The following BIVM variants were observed in gnomAD, a reference collection of about 807,000 sequenced individuals.
The protein encoded by BIVM is basic immunoglobulin-like variable motif-containing protein.
In BIVM, 31 loss-of-function variants were observed where a neutral mutation model predicts 61.4. The observed-to-expected ratio is 0.51, with a 90% CI of 0.38 to 0.68. BIVM has a LOEUF of 0.68. Among genes scored for constraint, BIVM ranks in the 30% least tolerant of loss-of-function variants. The pLI, the probability that BIVM is intolerant of heterozygous loss-of-function variation, is 0.00. For missense variants in BIVM, 526 were observed against 596.0 expected, an observed-to-expected ratio of 0.88 and a Z score of 1.22; for synonymous variants, 189 against 210.7, an observed-to-expected ratio of 0.90 and a Z score of 0.89.
intron 3 of BIVM, among the ~76,000 whole-genome samples, chr13:102,815,768 CATGT>C (rs1879826742): frequency 6.6e-6 from 1 of 152,158 alleles, no homozygotes; most frequent in South Asian, 2.1e-4. Flanking sequence ...TATGTGTGTG[CATGT>C]ATGAGTGTGT....
intron 7 of BIVM, among the ~76,000 whole-genome samples, chr13:102,823,647 CAGGCAACGAAAAACTA>C (rs1399297310): frequency 6.6e-6 from 1 of 152,158 alleles, no homozygotes; most frequent in African/African-American, 2.4e-5. Flanking sequence ...AGTAAGTGAT[CAGGCAACGAAAAACTA>C]AGAAAGGATA....
At chr13:102,817,017 A>G (rs1457628578) in intron 4 of BIVM, 1 of 152,224 alleles carries the variant, frequency 6.6e-6, no homozygotes, top group African/African-American at 2.4e-5. Context: ...CCCAGGCTAA[A>G]TTCACGTTTC....
intron 7 of BIVM, among the ~76,000 whole-genome samples, chr13:102,824,037 G>A (rs1880481178): frequency 6.6e-6 from 1 of 152,186 alleles, no homozygotes; most frequent in South Asian, 2.1e-4. Context: ...TCCACAGGAT[G>A]TGCCAAACCT....
chr13:102,830,342 T>G lies in BIVM; in HGVS notation c.902-1223T>G, dbSNP rs1880979620. Among the ~76,000 whole-genome samples the G allele has an allele frequency of 1.3e-5, 2 of 152,230 alleles. 1 individual carries two copies. The highest frequency in any genetic ancestry group is 4.1e-4 in the South Asian group (2 of 4,836). On this transcript the variant is annotated intron_variant, in intron 7 of 10. Transcript: ENST00000257336. ...TGGCCAGAAAGTCGATCACTGAAAC[T>G]ATGACTTGCAAGCTTTCATCTGCTT...
At chr13:102,811,824 T>C (rs1302421446) in intron 3 of BIVM, among the ~76,000 whole-genome samples, 1 of 152,226 alleles carries the variant, frequency 6.6e-6, no homozygotes, top group Non-Finnish European at 1.5e-5. Flanking sequence ...TGCCCAGCCT[T>C]GCAATTTTAT....
intron 7 of BIVM, among the ~76,000 whole-genome samples, chr13:102,831,345 GT>G (rs1377751428): frequency 4.6e-5 from 7 of 152,176 alleles, no homozygotes; most frequent in African/African-American, 1.7e-4. Flanking sequence ...TAGTTCTTTA[GT>G]TTGCTAATGA....
chr13:102,807,617 C>G lies in BIVM; in HGVS notation c.350C>G (p.Ser117Trp). ...TACATTGGTATCCCGACTAGTACATCGGAAATTATCTACAATGAAGAAAAT... is the reference window on the plus strand; with the variant it reads ...TACATTGGTATCCCGACTAGTACATGGGAAATTATCTACAATGAAGAAAAT... ...SRYIGIPTST[S>W]EIIYNEENSL... Residue 117 changes from serine to tryptophan, a missense_variant, in exon 3 of 11, where the codon TCG becomes TGG. This residue lies in a region of BIVM where 312 missense variants were observed against 343.8 expected (regional missense o/e 0.91). Coordinates refer to ENST00000257336, the MANE Select transcript of BIVM (RefSeq NM_017693.4). The surrounding 1 kb of genome is among the most constrained non-coding windows in gnomAD (Gnocchi z 4.0). 6.2e-7 allele frequency: 1 copy of G among 1,614,106 alleles called. No individual in the cohort carries two copies. The highest frequency in any genetic ancestry group is 1.7e-5 in the Admixed American group (1 of 60,006).
At chr13:102,809,905 C>A (rs1392125111) in intron 3 of BIVM, among the ~76,000 whole-genome samples, 2 of 151,968 alleles carry the variant, frequency 1.3e-5, no homozygotes, top group Non-Finnish European at 2.9e-5. Flanking sequence ...CCTGCCTCAG[C>A]CTCCCGAGTA....
At position 102,821,019 on chromosome 13, in the gene BIVM, A is replaced by C. The variant is rs749250254; in HGVS notation, c.606-18A>C. On this transcript the variant is annotated intron_variant, in intron 4 of 10. Coordinates refer to ENST00000257336, the MANE Select transcript of BIVM (RefSeq NM_017693.4). ...TTGTGTTCATTCAAGTGAAGAAAAC[A>C]GTCTTTTGTGTTCTCAGGTACTGCA... The C allele has an allele frequency of 5.6e-6, 9 of 1,602,756 alleles. No individual in the cohort carries two copies. The highest frequency in any genetic ancestry group is 2.6e-6 in the Non-Finnish European group (3 of 1,176,122).
intron 3 of BIVM, among the ~76,000 whole-genome samples, chr13:102,810,421 C>T (rs1879420170): frequency 6.6e-6 from 1 of 152,184 alleles, no homozygotes. Context: ...TATACAAAAA[C>T]ATATTTTTAA....
chr13:102,802,951 T>C (rs2139133214), intron 1 of BIVM, among the ~76,000 whole-genome samples: 1 of 152,132 alleles, frequency 6.6e-6, no homozygotes, highest in South Asian at 2.1e-4. Context: ...CTGTGTTCTA[T>C]CTTTAGCGTC....
intron 5 of BIVM, 72 bp downstream of exon 5, chr13:102,821,204 A>G: frequency 7.6e-7 from 1 of 1,319,642 alleles, no homozygotes. Context: ...TAACAGAAAA[A>G]AATTTAAGAA....
Position 102,821,040 on chromosome 13 carries a change from C to T in BIVM, c.609C>T (p.Tyr203=), listed in dbSNP as rs2063461855. The T allele has an allele frequency of 1.9e-6, 3 of 1,609,794 alleles. No homozygotes were observed. The highest frequency in any genetic ancestry group is 2.5e-6 in the Non-Finnish European group (3 of 1,179,074). The change falls in exon 5 of 11, where the codon TAC becomes TAT. Residue 203 remains tyrosine, a synonymous_variant. Coordinates refer to ENST00000257336, the MANE Select transcript of BIVM (RefSeq NM_017693.4). Reference sequence around the variant, plus strand: ...AAACAGTCTTTTGTGTTCTCAGGTACTGCATAAGCCGACCACAGTATAAGA... The same window carrying T: ...AAACAGTCTTTTGTGTTCTCAGGTATTGCATAAGCCGACCACAGTATAAGA... ...QRKVLDLRRW[Y]CISRPQYKTS...
chr13:102,839,376 C>T (rs575101159), intron 10 of BIVM, among the ~76,000 whole-genome samples, 196 bp from the exon 11 acceptor site: 6 of 152,032 alleles, frequency 3.9e-5, no homozygotes, highest in Admixed American at 2.6e-4. Context: ...GTTTTGGCTC[C>T]GGTGGGCATT....
At position 102,831,591 on chromosome 13, in the gene BIVM, C is replaced by G. The variant is rs377649836; in HGVS notation, c.928C>G (p.Arg310Gly). 2.5e-6 allele frequency: 4 copies of G among 1,613,932 alleles called. No homozygotes were observed. The African/African-American group carries it at 5.3e-5, about 22-fold the overall frequency. ...TTCAGGGGCCCTGTCAAAGTTAACC[C>G]GTGGATTGAAAGATGAATCGCTGGC... The part of the protein sequence containing the change: ...TASGALSKLT[R>G]GLKDESLAYI... Residue 310 changes from arginine to glycine, a missense_variant, in exon 8 of 11, where the codon CGT becomes GGT. By Grantham distance (125) the Arg-to-Gly change is moderately radical. Around this residue, in one of 3 missense-constraint regions of BIVM, gnomAD observed 210 missense variants for 233.1 expected, o/e 0.90. Transcript: ENST00000257336.
intron 3 of BIVM, among the ~76,000 whole-genome samples, chr13:102,810,006 C>T (rs1163746356): frequency 6.6e-6 from 1 of 152,120 alleles, no homozygotes; most frequent in African/African-American, 2.4e-5. Context: ...ACCTCCTGAC[C>T]TCGTGATCCG....
At chr13:102,835,114 C>T (rs1420858867) in intron 9 of BIVM, among the ~76,000 whole-genome samples, 3 of 152,080 alleles carry the variant, frequency 2.0e-5, no homozygotes, top group African/African-American at 7.2e-5. Flanking sequence ...CGCGGTGGCT[C>T]ATGCCTGTAA....
At chr13:102,799,756 C>T (rs995726936) in intron 1 of BIVM, among the ~76,000 whole-genome samples, 9 of 152,236 alleles carry the variant, frequency 5.9e-5, no homozygotes, top group Non-Finnish European at 4.4e-5. Context: ...GCGCGCTCTC[C>T]CGGGAAGGAG....
At chr13:102,815,901 T>C (rs1215687390) in intron 3 of BIVM, among the ~76,000 whole-genome samples, 1 of 152,260 alleles carries the variant, frequency 6.6e-6, no homozygotes, top group African/African-American at 2.4e-5. Flanking sequence ...ATTCATTCTG[T>C]CGTCTCTGTC....
Sources: gnomAD v4.1 joint callset for allele counts (sites outside exome capture counted in the v4.1 genomes callset) on GRCh38, gnomAD v4.1.1 for gene constraint, gnomAD v4.1.1 regional missense constraint, Gnocchi (gnomAD v3.1) non-coding constraint, MANE v1.5 for transcripts, NCBI Gene and HGNC (gene_info 2026-07-23, HGNC 2026-07-21) for gene names.